The following HSPA8 variants were observed in gnomAD, a reference collection of about 807,000 sequenced individuals.
HSPA8 encodes the protein heat shock protein family A (Hsp70) member 8.
Under a neutral mutation model 52.8 loss-of-function variants are expected in HSPA8, and 2 were observed. The ratio of observed to expected loss-of-function variants is 0.04; its 90% CI spans 0.02 to 0.12. HSPA8 has a LOEUF of 0.12. Ranked by LOEUF, HSPA8 falls within the 10% of genes least tolerant of loss-of-function variation. HSPA8 has a pLI of 1.00. For missense variants in HSPA8, 349 were observed against 800.5 expected (o/e 0.44, Z 6.81); for synonymous variants, 436 against 274.0 (o/e 1.59, Z -5.84).
chr11:123,061,008 G>C (rs1040069935), intron 2 of HSPA8, 112 bp downstream of exon 2: 1 of 976,428 alleles, frequency 1.0e-6, no homozygotes, highest in African/African-American at 1.6e-5. Flanking sequence ...TTGATAACAA[G>C]TCTCTCAGCT....
At chr11:123,058,007 G>T (rs1865359430) in intron 8 of HSPA8, 88 bp from the exon 9 acceptor site, 3 of 1,097,178 alleles carry the variant, frequency 2.7e-6, no homozygotes, top group Admixed American at 2.4e-5. Context: ...CTAAAAGTCT[G>T]GCGCAAACTC....
Position 123,058,672 on chromosome 11 carries a change from A to G in HSPA8, c.1482T>C (p.Ser494=). 6.2e-7 allele frequency: 1 copy of G among 1,613,702 alleles called. No individual in the cohort carries two copies. The highest frequency in any genetic ancestry group is 1.1e-5 in the South Asian group (1 of 91,060). ...GILNVSAVDK[S]TGKENKITIT... ...TAGTAATCTTGTTCTCTTTTCCCGT[A>G]CTCTTGTCCACAGCAGAGACATTGA... Residue 494 remains serine, a synonymous_variant, in exon 7 of 9, where the codon AGT becomes AGC. Coordinates refer to ENST00000534624, the MANE Select transcript of HSPA8 (RefSeq NM_006597.6).
In HSPA8 at chr11:123,060,616, T is replaced by C. The variant is rs1591439159; in HGVS notation, c.388A>G (p.Ile130Val). 6.2e-7 allele frequency: 1 copy of C among 1,613,740 alleles called. No individual in the cohort carries two copies. The highest frequency in any genetic ancestry group is 1.3e-5 in the African/African-American group (1 of 74,986). ...ACCTTCCCAAGGTAGGCTTCTGCAA[T>C]TTCCTTCATCTTTGTCAGAACCATA... is the stretch of plus-strand genomic sequence containing the variant. ...SSMVLTKMKE[I>V]AEAYLGKTVT... Residue 130 changes from isoleucine to valine, a missense_variant, in exon 3 of 9, where the codon ATT (isoleucine) becomes GTT (valine). Ile to Val is a conservative substitution (Grantham distance 29, BLOSUM62 3). Transcript: ENST00000534624.
In HSPA8 at chr11:123,058,028, G is replaced by A. The variant is rs559527654; in HGVS notation, c.1756-109C>T. On this transcript the variant is annotated intron_variant, in intron 8 of 8. Coordinates refer to ENST00000534624, the MANE Select transcript of HSPA8 (RefSeq NM_006597.6). ...GTCTGGCGCAAACTCTTACAAGAGG[G>A]CCACTACCAACATTAAAATAGGGCC... 6.3e-5 allele frequency: 55 copies of A among 867,064 alleles called. No homozygotes were observed. The African/African-American group carries it at 8.8e-4, about 14-fold the overall frequency. 53.7% of individuals were successfully genotyped at this position (867,064 alleles called of 1,614,324 possible).
chr11:123,061,664 C>A (rs1426931691), intron 1 of HSPA8: 2 of 364,840 alleles, frequency 5.5e-6, no homozygotes, highest in Non-Finnish European at 1.0e-5. Context: ...TTTAACTACT[C>A]CGGAATGTAC....
intron 1 of HSPA8, 153 bp from the exon 2 acceptor site, chr11:123,061,482 C>G: frequency 1.5e-6 from 1 of 646,162 alleles, no homozygotes; most frequent in Non-Finnish European, 2.7e-6. Context: ...AGGTCCAGAA[C>G]TAGTGCTGCA....
chr11:123,059,832 C>A lies in HSPA8; in HGVS notation c.761G>T (p.Ser254Ile). 1 of 1,613,672 alleles carries A rather than the reference C, an allele frequency of 6.2e-7. No homozygotes were observed. The highest frequency in any genetic ancestry group is 1.7e-4 in the Middle Eastern group (1 of 5,876). The change falls in exon 5 of 9, where the codon AGT (serine) becomes ATT (isoleucine). Residue 254 changes from serine (S) to isoleucine (I), a missense_variant. Physicochemically the swap from Ser to Ile is moderately radical, Grantham distance 142. Transcript: ENST00000534624. ...GCGTCTTACAGCTCTCTTGTTCTCA[C>A]TGATGTCCTTCTTATGCTTGCGCTT... ...EFKRKHKKDI[S>I]ENKRAVRRLR...
At chr11:123,059,372 CCAAG>C in intron 5 of HSPA8, 97 bp downstream of exon 5, 2 of 1,391,054 alleles carry the variant, frequency 1.4e-6, no homozygotes, top group Non-Finnish European at 2.0e-6. Flanking sequence ...CCATCATTAG[CCAAG>C]CTTTTGGTGG....
intron 8 of HSPA8, 98 bp downstream of exon 8, chr11:123,058,154 C>T (rs1219833592): frequency 1.2e-6 from 1 of 842,336 alleles, no homozygotes; most frequent in East Asian, 2.5e-5. Context: ...GACCATTCAT[C>T]ATTGTGACCC....
At chr11:123,058,607 A>G in intron 7 of HSPA8, 25 bp downstream of exon 7, 2 of 1,598,218 alleles carry the variant, frequency 1.3e-6, no homozygotes, top group South Asian at 1.1e-5. Flanking sequence ...ATCCCTGTCA[A>G]GACCAGATGA....
chr11:123,059,588 G>A lies in HSPA8; in HGVS notation c.1005C>T (p.Val335=), dbSNP rs115882568. 4.1e-4 allele frequency: 665 copies of A among 1,614,092 alleles called. 2 individuals are homozygous for A. The African/African-American group carries it at 7.6e-3, about 19-fold the overall frequency. ...KLDKSQIHDI[V]LVGGSTRIPK... Reference sequence around the variant, plus strand: ...GGATACGAGTAGAACCACCAACCAGGACAATATCATGAATCTGTGACTTGT... The same window carrying A: ...GGATACGAGTAGAACCACCAACCAGAACAATATCATGAATCTGTGACTTGT... Residue 335 remains valine, a synonymous_variant, in exon 5 of 9, where the codon GTC becomes GTT. Transcript: ENST00000534624.
Position 123,060,761 on chromosome 11 carries a change from A to G in HSPA8, c.243T>C (p.Ala81=). 1 of 1,614,130 alleles carries G rather than the reference A, an allele frequency of 6.2e-7. No individual in the cohort carries two copies. Among genetic ancestry groups the G allele is most frequent in the South Asian group, 1.1e-5 (1 of 91,084 alleles). The change falls in exon 3 of 9, where the codon GCT becomes GCC. Residue 81 remains alanine (A), a synonymous_variant. Transcript: ENST00000534624. ...KRLIGRRFDD[A]VVQSDMKHWP... Reference sequence around the variant, plus strand: ...AATGTTTCATATCAGACTGGACAACAGCATCATCAAATCTGCGTCCAATCA... The same window carrying G: ...AATGTTTCATATCAGACTGGACAACGGCATCATCAAATCTGCGTCCAATCA...
At chr11:123,060,829 A>T (rs1349795680) in intron 2 of HSPA8, 31 bp from the exon 3 acceptor site, 2 of 1,572,106 alleles carry the variant, frequency 1.3e-6, no homozygotes, top group Non-Finnish European at 1.8e-6. Flanking sequence ...AAACACTTTC[A>T]ATTTCATAGC....
chr11:123,061,532 G>A (rs1565369945), intron 1 of HSPA8: 3 of 595,956 alleles, frequency 5.0e-6, no homozygotes, highest in Non-Finnish European at 8.9e-6. Context: ...GCACGCCCTA[G>A]ATGAAGGACC....
rs1865384007 is a variant in HSPA8 at position 123,058,467 on chromosome 11, C to G, written c.1540G>C (p.Asp514His). The change falls in exon 8 of 9, where the codon GAC (aspartate) becomes CAC (histidine). Residue 514 changes from aspartate to histidine, a missense_variant. Physicochemically the swap from Asp to His is moderately conservative, Grantham distance 81 (BLOSUM62 -1). Coordinates refer to ENST00000534624, the MANE Select transcript of HSPA8 (RefSeq NM_006597.6). ...TNDKGRLSKE[D>H]IERMVQEAEK... ...GCTTCCTGGACCATACGTTCAATGTCTTCCTTGCTCAAACGGCCTAGGAAA... is the reference window on the plus strand; with the variant it reads ...GCTTCCTGGACCATACGTTCAATGTGTTCCTTGCTCAAACGGCCTAGGAAA... 6.2e-7 allele frequency: 1 copy of G among 1,613,888 alleles called. No individual in the cohort carries two copies. The highest frequency in any genetic ancestry group is 2.2e-5 in the East Asian group (1 of 44,894).
chr11:123,061,702 G>C (rs1398685669), intron 1 of HSPA8: 12 of 279,140 alleles, frequency 4.3e-5, no homozygotes, highest in East Asian at 9.1e-5. Flanking sequence ...GCCAAGAACA[G>C]CTCTGAAGAA....
At chr11:123,058,536 T>G (rs1865388559) in intron 7 of HSPA8, 52 bp from the exon 8 acceptor site, 13 of 1,582,616 alleles carry the variant, frequency 8.2e-6, no homozygotes, top group Non-Finnish European at 1.1e-5. Flanking sequence ...TGTGTATGTG[T>G]AACTCTAGTT....
chr11:123,059,302 A>G, intron 5 of HSPA8, 41 bp from the exon 6 acceptor site: 1 of 1,541,922 alleles, frequency 6.5e-7, no homozygotes, highest in South Asian at 1.1e-5. Context: ...GTTAAAAGAA[A>G]ACCCAGTACA....
intron 7 of HSPA8, 73 bp from the exon 8 acceptor site, chr11:123,058,557 A>G: frequency 6.4e-7 from 1 of 1,570,596 alleles, no homozygotes; most frequent in East Asian, 2.2e-5. Context: ...TCTCTTAGCT[A>G]GACGCCCTTA....
Sources: allele counts gnomAD v4.1 joint callset, GRCh38; gene constraint gnomAD v4.1.1; transcripts MANE v1.5; gene names NCBI Gene and HGNC (gene_info 2026-07-23, HGNC 2026-07-21).